NUFIP2: variants seen among roughly 807,000 people sequenced by gnomAD.
The protein encoded by NUFIP2 is nuclear FMR1 interacting protein 2.
A neutral mutation model predicts 56.9 loss-of-function variants in NUFIP2; 6 were observed. The ratio of observed to expected loss-of-function variants is 0.11; its 90% CI spans 0.06 to 0.21. The LOEUF is 0.21. Ranked by LOEUF, NUFIP2 falls within the 10% of genes least tolerant of loss-of-function variation. NUFIP2 has a pLI of 1.00. For synonymous variants in NUFIP2, 321 were observed against 298.2 expected (o/e 1.08, Z -0.79); for missense variants, 828 against 826.8 (o/e 1.00, Z -0.02).
chr17:29,277,508 T>C (rs190164393), intron 2 of NUFIP2, among the ~76,000 whole-genome samples: 3 of 152,250 alleles, frequency 2.0e-5, no homozygotes, highest in Admixed American at 2.0e-4. Flanking sequence ...TCAGCAAGGA[T>C]GGTGACATGG....
intron 2 of NUFIP2, among the ~76,000 whole-genome samples, chr17:29,273,480 T>C (rs978593622): frequency 1.3e-5 from 2 of 151,432 alleles, no homozygotes; most frequent in Non-Finnish European, 2.9e-5. Context: ...CCTTGATCTT[T>C]TAACACTGCT....
At chr17:29,282,955 C>G (rs1364773674) in intron 2 of NUFIP2, among the ~76,000 whole-genome samples, 1 of 152,102 alleles carries the variant, frequency 6.6e-6, no homozygotes, top group African/African-American at 2.4e-5. Context: ...ATGGACCAAT[C>G]AACATTTGGC....
intron 1 of NUFIP2, among the ~76,000 whole-genome samples, chr17:29,289,975 G>A (rs2069200840): frequency 6.6e-6 from 1 of 152,054 alleles, no homozygotes; most frequent in South Asian, 2.1e-4. Context: ...CCAGGTTGAA[G>A]TGCAGTGATG....
At chr17:29,269,053 T>C (rs1803935696) in intron 2 of NUFIP2, among the ~76,000 whole-genome samples, 1 of 152,152 alleles carries the variant, frequency 6.6e-6, no homozygotes, top group African/African-American at 2.4e-5. Context: ...GGGGGCTATA[T>C]ATAGTCAACA....
chr17:29,273,452 G>A (rs998079845), intron 2 of NUFIP2, among the ~76,000 whole-genome samples: 1 of 152,058 alleles, frequency 6.6e-6, no homozygotes, highest in Non-Finnish European at 1.5e-5. Context: ...GACTACAGGC[G>A]TGAGCCATCA....
At chr17:29,288,556 T>C (rs2069192089) in intron 1 of NUFIP2, among the ~76,000 whole-genome samples, 1 of 152,256 alleles carries the variant, frequency 6.6e-6, no homozygotes, top group Non-Finnish European at 1.5e-5. Flanking sequence ...CATTTTGACA[T>C]TTCCCAGATA....
In NUFIP2 at chr17:29,286,782, T is replaced by C. The variant is rs538530508; in HGVS notation, c.1212A>G (p.Ser404=). 3.4e-5 allele frequency: 55 copies of C among 1,614,170 alleles called. No individual in the cohort carries two copies. In the South Asian group the frequency reaches 5.9e-4, roughly 17 times the overall value. Residue 404 remains serine (S), a synonymous_variant, in exon 2 of 4, where the codon TCA becomes TCG. Coordinates refer to ENST00000225388, the MANE Select transcript of NUFIP2 (RefSeq NM_020772.3). ...SSSRLSQVPM[S]ALKSVTSANF... is the part of the protein sequence containing the mutation. ...TGGCAGAAGTAACAGATTTCAGCGC[T>C]GACATAGGGACCTGGGATAAGCGAC...
chr17:29,286,906 T>C lies in NUFIP2; in HGVS notation c.1088A>G (p.Lys363Arg). The C allele has an allele frequency of 1.2e-6, 2 of 1,614,216 alleles. No homozygotes were observed. Among genetic ancestry groups the C allele is most frequent in the South Asian group, 1.1e-5 (1 of 91,088 alleles). ...CTGTATAGTTTTGTTGAGGTTTTCC[T>C]TAACTTTGCTTGCATAACTTATTTT... ...VPKISYASKV[K>R]ENLNKTIQNS... The change falls in exon 2 of 4, where the codon AAG (lysine) becomes AGG (arginine). Residue 363 changes from lysine (K) to arginine (R), a missense_variant. Transcript: ENST00000225388.
Position 29,286,516 on chromosome 17 carries a change from T to C in NUFIP2, c.1478A>G (p.Gln493Arg), listed in dbSNP as rs1228682489. 1 of 1,614,184 alleles carries C rather than the reference T, an allele frequency of 6.2e-7. No individual in the cohort carries two copies. The highest frequency in any genetic ancestry group is 1.1e-5 in the South Asian group (1 of 91,086). Residue 493 changes from glutamine (Q) to arginine (R), a missense_variant, in exon 2 of 4, where the codon CAG (glutamine) becomes CGG (arginine). Physicochemically the swap from Gln to Arg is conservative, Grantham distance 43. Coordinates refer to ENST00000225388, the MANE Select transcript of NUFIP2 (RefSeq NM_020772.3). ...ATCCCCCAGGTTTTGCTGATCTGTC[T>C]GAGAGGGCAGATCCACTTGTGCTGT... ...LSTAQVDLPS[Q>R]TDQQNLGDIF...
At chr17:29,275,403 G>A (rs1256802266) in intron 2 of NUFIP2, among the ~76,000 whole-genome samples, 1 of 152,058 alleles carries the variant, frequency 6.6e-6, no homozygotes, top group Non-Finnish European at 1.5e-5. Flanking sequence ...AACATGAAAA[G>A]GGAACTCAAG....
At chr17:29,269,497 AAACCAAAT>A (rs1214729191) in intron 2 of NUFIP2, among the ~76,000 whole-genome samples, 2 of 152,112 alleles carry the variant, frequency 1.3e-5, no homozygotes, top group Non-Finnish European at 2.9e-5. Flanking sequence ...AAAACTGTAA[AAACCAAAT>A]TTTTTTTTTT....
intron 2 of NUFIP2, among the ~76,000 whole-genome samples, chr17:29,276,540 G>A (rs2153011632): frequency 6.6e-6 from 1 of 152,222 alleles, no homozygotes; most frequent in South Asian, 2.1e-4. Context: ...GTTTCACCAT[G>A]TTGGCCAGGG....
Position 29,285,981 on chromosome 17 carries a change from A to C in NUFIP2, c.2002+11T>G. The C allele has an allele frequency of 6.3e-7, 1 of 1,576,096 alleles. No homozygotes were observed. Among genetic ancestry groups the C allele is most frequent in the Non-Finnish European group, 8.6e-7 (1 of 1,161,574 alleles). On this transcript the variant is annotated intron_variant, in intron 2 of 3. Coordinates refer to ENST00000225388, the MANE Select transcript of NUFIP2 (RefSeq NM_020772.3). The stretch of plus-strand genomic sequence containing the variant: ...CAATAAAAATCTTTGTATAGGAAAC[A>C]AATGAGTTACCTTTAGTGTGATATA...
intron 2 of NUFIP2, among the ~76,000 whole-genome samples, chr17:29,284,424 G>A (rs1034427113): frequency 6.6e-6 from 1 of 152,074 alleles, no homozygotes; most frequent in South Asian, 2.1e-4. Flanking sequence ...ATTAACATGA[G>A]GCCTGGCACG....
intron 2 of NUFIP2, among the ~76,000 whole-genome samples, chr17:29,283,636 C>T (rs1414898996): frequency 6.6e-6 from 1 of 152,130 alleles, no homozygotes; most frequent in Non-Finnish European, 1.5e-5. Context: ...GATACCCTCT[C>T]AGGCTCACAC....
Position 29,263,850 on chromosome 17 carries a change from CT to C in NUFIP2, c.*688del, listed in dbSNP as rs1202802997. The C allele has an allele frequency of 6.6e-6, 1 of 152,524 alleles. No homozygotes were observed. The highest frequency in any genetic ancestry group is 1.5e-5 in the Non-Finnish European group (1 of 68,024). 9.4% of individuals were successfully genotyped at this position (152,524 alleles called of 1,614,324 possible). On this transcript the variant is annotated 3_prime_UTR_variant, in exon 4 of 4. Transcript: ENST00000225388. Reference sequence around the variant, plus strand: ...AACTAACTATTCCAGAATTGTAGAACTTCAATGCCCTCCCCTATCCCCGCCC... The same window carrying C: ...AACTAACTATTCCAGAATTGTAGAACTCAATGCCCTCCCCTATCCCCGCCC...
At chr17:29,275,351 A>C (rs1432079676) in intron 2 of NUFIP2, among the ~76,000 whole-genome samples, 6 of 152,146 alleles carry the variant, frequency 3.9e-5, no homozygotes, top group Non-Finnish European at 8.8e-5. Flanking sequence ...CCTAGTATAT[A>C]AAGTAACAGA....
chr17:29,275,792 C>A (rs963783714), intron 2 of NUFIP2, among the ~76,000 whole-genome samples: 1 of 152,024 alleles, frequency 6.6e-6, no homozygotes, highest in African/African-American at 2.4e-5. Flanking sequence ...CTTTGGGAGG[C>A]CAAGGCGGGT....
At position 29,263,611 on chromosome 17, in the gene NUFIP2, G is replaced by A. The variant is rs958982260; in HGVS notation, c.*928C>T. 3.3e-4 allele frequency: 50 copies of A among 152,700 alleles called. No homozygotes were observed. Among genetic ancestry groups the A allele is most frequent in the African/African-American group, 1.1e-3 (44 of 41,562 alleles). The allele number at this position is 152,700 out of a possible 1,614,324, so 9.5% of individuals were successfully genotyped here. On this transcript the variant is annotated 3_prime_UTR_variant, in exon 4 of 4. Transcript: ENST00000225388. ...AAACAGCACATTTAGTGTTAGTGAC[G>A]GAGAGCAAGTCTGGAGCACCTACAG... is the stretch of plus-strand genomic sequence containing the variant.
Sources: allele counts gnomAD v4.1 joint callset (sites outside exome capture counted in the v4.1 genomes callset), GRCh38; gene constraint gnomAD v4.1.1; transcripts MANE v1.5; gene names NCBI Gene and HGNC (gene_info 2026-07-23, HGNC 2026-07-21).